STOML3: variants seen among roughly 807,000 people sequenced by gnomAD.
STOML3 encodes stomatin-like protein 3.
A neutral mutation model predicts 29.5 loss-of-function variants in STOML3; 31 were observed. The ratio of observed to expected loss-of-function variants is 1.05; its 90% CI spans 0.79 to 1.42. The LOEUF is 1.42. STOML3 is among the 40% of genes most tolerant of loss of function. The pLI is 0.00. For missense variants in STOML3, 380 were observed against 363.0 expected, an observed-to-expected ratio of 1.05 and a Z score of -0.38; for synonymous variants, 122 against 139.8, an observed-to-expected ratio of 0.87 and a Z score of 0.90.
intron 1 of STOML3, among the ~76,000 whole-genome samples, chr13:38,983,658 T>A (rs1881342387): frequency 6.6e-6 from 1 of 152,144 alleles, no homozygotes. Context: ...TAGTGAAGAA[T>A]TAGTAAATTA....
intron 1 of STOML3, among the ~76,000 whole-genome samples, chr13:38,980,319 A>G (rs1881228410): frequency 6.6e-6 from 1 of 152,108 alleles, no homozygotes; most frequent in Admixed American, 6.5e-5. Context: ...CAGCCTTGTG[A>G]GCATGCACAG....
chr13:38,982,840 G>A (rs74896822), intron 1 of STOML3, among the ~76,000 whole-genome samples: 4,815 of 152,206 alleles, frequency 0.032, 107 homozygotes, highest in South Asian at 0.1. Flanking sequence ...TAAATGGATA[G>A]CTTATCTTTA....
intron 3 of STOML3, among the ~76,000 whole-genome samples, chr13:38,973,264 A>G (rs1422309190): frequency 6.6e-6 from 1 of 151,802 alleles, no homozygotes; most frequent in Non-Finnish European, 1.5e-5. Flanking sequence ...CCTGGGCAAC[A>G]AAAGCAAAAC....
chr13:38,979,850 G>T (rs1199882533), intron 1 of STOML3, among the ~76,000 whole-genome samples: 1 of 152,122 alleles, frequency 6.6e-6, no homozygotes, highest in African/African-American at 2.4e-5. Context: ...CTCCCTCCCG[G>T]CACTGAAATA....
At chr13:38,971,044 T>TTG (rs886200064) in intron 4 of STOML3, among the ~76,000 whole-genome samples, 5 of 151,864 alleles carry the variant, frequency 3.3e-5, no homozygotes, top group African/African-American at 1.2e-4. Flanking sequence ...CTTTCTTTTT[T>TTG]TTTTTTGAGA....
At chr13:38,970,067 T>G in intron 5 of STOML3, 118 bp downstream of exon 5, 6 of 847,928 alleles carry the variant, frequency 7.1e-6, no homozygotes, top group African/African-American at 1.7e-5. Context: ...TGTCTGTGTG[T>G]GAGTGTGTGC....
At chr13:38,984,248 G>C (rs1344698613) in intron 1 of STOML3, among the ~76,000 whole-genome samples, 1 of 152,150 alleles carries the variant, frequency 6.6e-6, no homozygotes, top group Non-Finnish European at 1.5e-5. Context: ...CCCTACAGTA[G>C]AGAAAGTAAC....
At chr13:38,980,061 C>T (rs1271328584) in intron 1 of STOML3, 9 of 1,551,588 alleles carry the variant, frequency 5.8e-6, no homozygotes, top group East Asian at 2.4e-5. Context: ...CCTACAAGCT[C>T]GCCTCTGGAG....
intron 1 of STOML3, among the ~76,000 whole-genome samples, chr13:38,982,153 C>T (rs1437342841): frequency 2.0e-5 from 3 of 151,872 alleles, no homozygotes; most frequent in African/African-American, 4.8e-5. Context: ...GGCACAAAAC[C>T]TTAAAGCAAA....
chr13:38,975,101 G>A lies in STOML3; in HGVS notation c.229+1439C>T, dbSNP rs192230766. Among the ~76,000 whole-genome samples the A allele has an allele frequency of 3.1e-3, 474 of 152,076 alleles. 5 individuals carry two copies. Among genetic ancestry groups the A allele is most frequent in the African/African-American group, 0.011 (442 of 41,484 alleles). ...TCCCAGCACTTTGAGAGGTCGAGAC[G>A]GGCGGATCACCTGAGGTCAGGAGTT... On this transcript the variant is annotated intron_variant, in intron 3 of 6. Coordinates refer to ENST00000379631, the MANE Select transcript of STOML3 (RefSeq NM_145286.3).
intron 5 of STOML3, among the ~76,000 whole-genome samples, chr13:38,969,106 GATATT>G (rs1880769615): frequency 6.6e-6 from 1 of 152,138 alleles, no homozygotes; most frequent in Non-Finnish European, 1.5e-5. Context: ...TCCTTTTTGA[GATATT>G]ATTTATCTCG....
Position 38,988,194 on chromosome 13 carries a change from T to TGATATTTTATATCA in STOML3, c.52+2475_52+2476insTGATATAAAATATC, listed in dbSNP as rs1555282881. On this transcript the variant is annotated intron_variant, in intron 1 of 6. Transcript: ENST00000379631. ...TATATTATATTTTATATAAAATATA[T>TGATATTTTATATCA]TATATTTCATATAAAATATATGATA... is the stretch of plus-strand genomic sequence containing the variant. Among the ~76,000 whole-genome samples the TGATATTTTATATCA allele has an allele frequency of 6.1e-4, 37 of 60,478 alleles. 3 individuals are homozygous for TGATATTTTATATCA. Among genetic ancestry groups the TGATATTTTATATCA allele is most frequent in the East Asian group, 2.5e-3 (4 of 1,590 alleles). The allele number at this position is 60,478 out of a possible 152,430, so 39.7% of individuals were successfully genotyped here.
chr13:38,971,508 C>A (rs1880866751), intron 4 of STOML3, among the ~76,000 whole-genome samples: 1 of 152,200 alleles, frequency 6.6e-6, no homozygotes, highest in Non-Finnish European at 1.5e-5. Context: ...CTGAATTTCT[C>A]TTCCTCTAAC....
intron 1 of STOML3, among the ~76,000 whole-genome samples, chr13:38,985,911 C>CTTTCTT (rs1868503447): frequency 1.2e-5 from 1 of 85,616 alleles, no homozygotes; most frequent in African/African-American, 4.5e-5. Flanking sequence ...TCTTTTCTTT[C>CTTTCTT]TTTTTTTTTT....
At chr13:38,976,507 A>C (rs757894751) in intron 3 of STOML3, 33 bp downstream of exon 3, 2 of 1,612,708 alleles carry the variant, frequency 1.2e-6, no homozygotes, top group South Asian at 2.2e-5. Flanking sequence ...GGTGTCCCTG[A>C]TCTTTCAGGG....
intron 1 of STOML3, among the ~76,000 whole-genome samples, chr13:38,978,724 AC>A (rs890408284): frequency 2.0e-5 from 3 of 152,156 alleles, no homozygotes; most frequent in Admixed American, 6.5e-5. Flanking sequence ...AAATGATACT[AC>A]CTCAAATCCA....
intron 4 of STOML3, among the ~76,000 whole-genome samples, chr13:38,971,058 A>C (rs1283556249): frequency 6.7e-6 from 1 of 149,992 alleles, no homozygotes; most frequent in East Asian, 1.9e-4. Context: ...TTTGAGATGG[A>C]GTTTGGCTCC....
intron 4 of STOML3, 114 bp downstream of exon 4, chr13:38,972,398 A>G: frequency 1.0e-6 from 1 of 969,098 alleles, no homozygotes; most frequent in Non-Finnish European, 1.5e-6. Flanking sequence ...CTCTGCGGGT[A>G]CTCAGCTCAT....
At position 38,976,799 on chromosome 13, in the gene STOML3, T is replaced by C. The variant is rs749663006; in HGVS notation, c.53-2A>G. Reference sequence around the variant, plus strand: ...CACCAAGCCGTTTATTGTTGACACCTAGGAAATGAGAAGGAAGCAAATATG... The same window carrying C: ...CACCAAGCCGTTTATTGTTGACACCCAGGAAATGAGAAGGAAGCAAATATG... On this transcript the variant is annotated splice_acceptor_variant, in intron 1 of 6. Transcript: ENST00000379631. LOFTEE classifies it high-confidence loss of function. 10 of 1,612,094 alleles carry C rather than the reference T, an allele frequency of 6.2e-6. No individual in the cohort carries two copies. The South Asian group carries it at 9.9e-5, about 16-fold the overall frequency.
Sources: gnomAD v4.1 joint callset for allele counts (sites outside exome capture counted in the v4.1 genomes callset) on GRCh38, gnomAD v4.1.1 for gene constraint, MANE v1.5 for transcripts, NCBI Gene and HGNC (gene_info 2026-07-23, HGNC 2026-07-21) for gene names.